The following NAT8L variants were observed in gnomAD, a reference collection of about 807,000 sequenced individuals.
NAT8L encodes the protein aspartate N-acetyltransferase, also known as N-acetylaspartate synthetase.
In NAT8L, 6 loss-of-function variants were observed where a neutral mutation model predicts 21.2. The ratio of observed to expected loss-of-function variants is 0.28; its 90% CI spans 0.16 to 0.56. NAT8L has a LOEUF of 0.56. Among genes scored for constraint, NAT8L ranks in the 20% least tolerant of loss-of-function variants. The pLI, the probability that NAT8L is intolerant of heterozygous loss-of-function variation, is 0.93. For synonymous variants in NAT8L, 239 were observed against 204.9 expected (o/e 1.17, Z -1.42); for missense variants, 331 against 433.3 (o/e 0.76, Z 2.10).
chr4:2,062,623 C>A (rs963398779), intron 2 of NAT8L, among the ~76,000 whole-genome samples: 8 of 152,042 alleles, frequency 5.3e-5, no homozygotes, highest in Non-Finnish European at 1.0e-4. Flanking sequence ...TGGCTCCCCC[C>A]CACGCTGCTT....
At chr4:2,061,192 T>C (rs1264147354) in intron 2 of NAT8L, 30 bp downstream of exon 2, 3 of 1,609,504 alleles carry the variant, frequency 1.9e-6, no homozygotes, top group Non-Finnish European at 2.5e-6. Flanking sequence ...CTCCCCGACC[T>C]CCGCCCCAGA....
Position 2,059,642 on chromosome 4 carries a change from C to T in NAT8L, c.131C>T (p.Ala44Val). 2.1e-6 allele frequency: 2 copies of T among 970,798 alleles called. No homozygotes were observed. Among genetic ancestry groups the T allele is most frequent in the Non-Finnish European group, 2.4e-6 (2 of 819,618 alleles). The allele number at this position is 970,798 out of a possible 1,614,324, so 60.1% of individuals were successfully genotyped here. A position where few individuals can be genotyped will look rare whatever the true frequency, so the allele number is the denominator to read the frequency against. ...GGCGCCATGTGGCCCCCGCTGCCCGCCGCGCCCGGGCCGGCCGCCGCGCCC... is the reference window on the plus strand; with the variant it reads ...GGCGCCATGTGGCCCCCGCTGCCCGTCGCGCCCGGGCCGGCCGCCGCGCCC... ...AAGAMWPPLP[A>V]APGPAAAPPA... Residue 44 changes from alanine to valine, a missense_variant, in exon 1 of 3, where the codon GCC becomes GTC. Ala to Val is a moderately conservative substitution (Grantham distance 64). This residue lies in a region of NAT8L where 199 missense variants were observed against 196.1 expected (regional missense o/e 1.01). Transcript: ENST00000423729. The surrounding 1 kb of genome is among the most constrained non-coding windows in gnomAD (Gnocchi z 4.8).
chr4:2,066,938 A>T lies in NAT8L; in HGVS notation c.*2811A>T, dbSNP rs1318491836. 6.6e-6 allele frequency: 1 copy of T among 152,348 alleles called. No individual in the cohort carries two copies. The highest frequency in any genetic ancestry group is 1.5e-5 in the Non-Finnish European group (1 of 68,168). 9.4% of individuals were successfully genotyped at this position (152,348 alleles called of 1,614,324 possible). On this transcript the variant is annotated 3_prime_UTR_variant, in exon 3 of 3. Transcript: ENST00000423729. ...GAGCTGGGCGAAGGAGGACATCCTCACTGGACGAGCACTGCAGGCCTGACG... is the reference window on the plus strand; with the variant it reads ...GAGCTGGGCGAAGGAGGACATCCTCTCTGGACGAGCACTGCAGGCCTGACG...
At position 2,060,445 on chromosome 4, in the gene NAT8L, G is replaced by A. The variant is rs985011040; in HGVS notation, c.377-553G>A. ...CAGATGAGGCGCTTGAGGCCGCGTA[G>A]GGAGGACGCGACTCCCCCAAGGTCA... On this transcript the variant is annotated intron_variant, in intron 1 of 2. Coordinates refer to ENST00000423729, the MANE Select transcript of NAT8L (RefSeq NM_178557.4). The surrounding 1 kb of genome is among the most constrained non-coding windows in gnomAD (Gnocchi z 4.7). Among the ~76,000 whole-genome samples, 2 of 152,182 alleles carry A rather than the reference G, an allele frequency of 1.3e-5. No individual in the cohort carries two copies. Among genetic ancestry groups the A allele is most frequent in the Non-Finnish European group, 2.9e-5 (2 of 68,002 alleles).
At chr4:2,061,429 C>T (rs538935793) in intron 2 of NAT8L, among the ~76,000 whole-genome samples, 3 of 152,340 alleles carry the variant, frequency 2.0e-5, no homozygotes, top group East Asian at 1.9e-4. Flanking sequence ...GTCTCCCTGG[C>T]GCCTGCTGCG....
chr4:2,068,809 C>T lies in NAT8L; in HGVS notation c.*4682C>T, dbSNP rs1403478840. 6.6e-6 allele frequency: 1 copy of T among 152,164 alleles called. No individual in the cohort carries two copies. Among genetic ancestry groups the T allele is most frequent in the East Asian group, 1.9e-4 (1 of 5,176 alleles). The allele number at this position is 152,164 out of a possible 1,614,324, so 9.4% of individuals were successfully genotyped here. The stretch of plus-strand genomic sequence containing the variant: ...CTCTTGCCCCTCAGTGGAGCAGGGC[C>T]TGGGTGGAGGGCCTGGGCAGCTCCA... On this transcript the variant is annotated 3_prime_UTR_variant, in exon 3 of 3. Coordinates refer to ENST00000423729, the MANE Select transcript of NAT8L (RefSeq NM_178557.4).
intron 2 of NAT8L, among the ~76,000 whole-genome samples, chr4:2,062,631 C>T (rs1361949730): frequency 7.2e-5 from 11 of 152,048 alleles, no homozygotes; most frequent in Non-Finnish European, 1.5e-5. Flanking sequence ...CCCCACGCTG[C>T]TTCTCCTTGA....
At position 2,063,263 on chromosome 4, in the gene NAT8L, G is replaced by A. The variant is rs372382294; in HGVS notation, c.542-497G>A. Among the ~76,000 whole-genome samples, 281 of 152,354 alleles carry A rather than the reference G, an allele frequency of 1.8e-3. 1 individual carries two copies. Among genetic ancestry groups the A allele is most frequent in the African/African-American group, 6.3e-3 (262 of 41,586 alleles). Reference sequence around the variant, plus strand: ...GTGCTGGAGTTTGCCGTGATGGCCCGGGTGACCCTGGGTGGCCAGAAGCCA... The same window carrying A: ...GTGCTGGAGTTTGCCGTGATGGCCCAGGTGACCCTGGGTGGCCAGAAGCCA... On this transcript the variant is annotated intron_variant, in intron 2 of 2. Transcript: ENST00000423729.
chr4:2,064,470 A>G lies in NAT8L; in HGVS notation c.*343A>G, dbSNP rs1729955774. The G allele has an allele frequency of 1.9e-5, 3 of 160,494 alleles. No individual in the cohort carries two copies. Among genetic ancestry groups the G allele is most frequent in the Non-Finnish European group, 4.1e-5 (3 of 73,810 alleles). 9.9% of individuals were successfully genotyped at this position (160,494 alleles called of 1,614,324 possible). A position where few individuals can be genotyped will look rare whatever the true frequency, so the allele number is the denominator to read the frequency against. On this transcript the variant is annotated 3_prime_UTR_variant, in exon 3 of 3. Transcript: ENST00000423729. Reference sequence around the variant, plus strand: ...AGGCCCAGCCTTGCTCACCAAGCACAGAACCTCTGCAGCAGATCCCGGGGC... The same window carrying G: ...AGGCCCAGCCTTGCTCACCAAGCACGGAACCTCTGCAGCAGATCCCGGGGC...
chr4:2,063,730 G>T, intron 2 of NAT8L, 30 bp from the exon 3 acceptor site: 1 of 1,607,838 alleles, frequency 6.2e-7, no homozygotes. Context: ...CTTCCTCACC[G>T]GGTGTCCCTG....
At chr4:2,063,611 C>T in intron 2 of NAT8L, 149 bp from the exon 3 acceptor site, 1 of 1,446,744 alleles carries the variant, frequency 6.9e-7, no homozygotes, top group Admixed American at 1.7e-5. Flanking sequence ...GTAGCTAGGC[C>T]CCGGGGGCTG....
intron 2 of NAT8L, among the ~76,000 whole-genome samples, chr4:2,063,444 T>G (rs989464131): frequency 6.6e-6 from 1 of 152,262 alleles, no homozygotes; most frequent in African/African-American, 2.4e-5. Context: ...ACCACTACTC[T>G]GAGCAGCGCA....
intron 2 of NAT8L, among the ~76,000 whole-genome samples, chr4:2,061,765 G>A (rs1729895610): frequency 6.6e-6 from 1 of 152,174 alleles, no homozygotes; most frequent in African/African-American, 2.4e-5. Context: ...GAGCCACACC[G>A]GTTCCCCCAT....
chr4:2,059,903 C>T lies in NAT8L; in HGVS notation c.376+16C>T. The T allele has an allele frequency of 3.2e-6, 4 of 1,264,224 alleles. No homozygotes were observed. The highest frequency in any genetic ancestry group is 4.0e-6 in the Non-Finnish European group (4 of 995,106). 78.3% of individuals were successfully genotyped at this position (1,264,224 alleles called of 1,614,324 possible). ...CTGCTGGCGGGTCAGTGCGCCGGGC[C>T]CCCGGCTGCCGCAGTCCCTCGGGCC... On this transcript the variant is annotated intron_variant, in intron 1 of 2. Coordinates refer to ENST00000423729, the MANE Select transcript of NAT8L (RefSeq NM_178557.4). The surrounding 1 kb of genome is among the most constrained non-coding windows in gnomAD (Gnocchi z 4.8).
rs752251192 is a variant in NAT8L at position 2,059,921 on chromosome 4, C to T, written c.376+34C>T. 6.0e-6 allele frequency: 7 copies of T among 1,168,438 alleles called. No individual in the cohort carries two copies. The South Asian group carries it at 2.1e-4, about 35-fold the overall frequency. The allele number at this position is 1,168,438 out of a possible 1,614,324, so 72.4% of individuals were successfully genotyped here. A position where few individuals can be genotyped will look rare whatever the true frequency, so the allele number is the denominator to read the frequency against. ...GCCGGGCCCCCGGCTGCCGCAGTCC[C>T]TCGGGCCGGCGCGGAGCTCCCCCGC... On this transcript the variant is annotated intron_variant, in intron 1 of 2. Coordinates refer to ENST00000423729, the MANE Select transcript of NAT8L (RefSeq NM_178557.4). The surrounding 1 kb of genome is among the most constrained non-coding windows in gnomAD (Gnocchi z 4.8).
rs1730054599 is a variant in NAT8L, at chr4:2,068,543, TTG to T, written c.*4423_*4424del. 2.0e-5 allele frequency: 3 copies of T among 152,462 alleles called. No individual in the cohort carries two copies. The highest frequency in any genetic ancestry group is 7.2e-5 in the African/African-American group (3 of 41,534). 9.4% of individuals were successfully genotyped at this position (152,462 alleles called of 1,614,324 possible). On this transcript the variant is annotated 3_prime_UTR_variant, in exon 3 of 3. Transcript: ENST00000423729. ...TGTGGGCATGTATGCGTATGAGTAC[TTG>T]TGTGTGGCTGGTGTATGGGTGAGCA...
rs1047910747 is a variant in NAT8L at position 2,066,648 on chromosome 4, C to G, written c.*2521C>G. 5.9e-5 allele frequency: 9 copies of G among 152,378 alleles called. No homozygotes were observed. Among genetic ancestry groups the G allele is most frequent in the African/African-American group, 2.2e-4 (9 of 41,448 alleles). The allele number at this position is 152,378 out of a possible 1,614,324, so 9.4% of individuals were successfully genotyped here. ...TGAATTTTATACGTTTGTAGAAACT[C>G]TGATGTAACTTCTTCTACCTCTGAA... On this transcript the variant is annotated 3_prime_UTR_variant, in exon 3 of 3. Coordinates refer to ENST00000423729, the MANE Select transcript of NAT8L (RefSeq NM_178557.4).
chr4:2,061,186 C>G, intron 2 of NAT8L, 24 bp downstream of exon 2: 1 of 1,610,036 alleles, frequency 6.2e-7, no homozygotes, highest in Non-Finnish European at 8.5e-7. Flanking sequence ...CCGCCGCTCC[C>G]CGACCTCCGC....
chr4:2,064,194 G>C lies in NAT8L; in HGVS notation c.*67G>C. On this transcript the variant is annotated 3_prime_UTR_variant, in exon 3 of 3. Transcript: ENST00000423729. ...GCCTTTGCCCGCCTGCCCGCCGCCCGGCGCGGCCTGCTTTCAGACGCTCAA... is the reference window on the plus strand; with the variant it reads ...GCCTTTGCCCGCCTGCCCGCCGCCCCGCGCGGCCTGCTTTCAGACGCTCAA... The C allele has an allele frequency of 9.1e-7, 1 of 1,101,584 alleles. No homozygotes were observed. The highest frequency in any genetic ancestry group is 1.1e-6 in the Non-Finnish European group (1 of 888,070). 68.2% of individuals were successfully genotyped at this position (1,101,584 alleles called of 1,614,324 possible). A position where few individuals can be genotyped will look rare whatever the true frequency, so the allele number is the denominator to read the frequency against.
Sources: gnomAD v4.1 joint callset for allele counts (sites outside exome capture counted in the v4.1 genomes callset) on GRCh38, gnomAD v4.1.1 for gene constraint, gnomAD v4.1.1 regional missense constraint, Gnocchi (gnomAD v3.1) non-coding constraint, MANE v1.5 for transcripts, NCBI Gene and HGNC (gene_info 2026-07-23, HGNC 2026-07-21) for gene names.